CCNB1: variants seen among roughly 807,000 people sequenced by gnomAD.
The protein encoded by CCNB1 is cyclin B1, also known as G2/mitotic-specific cyclin-B1.
CCNB1 carries 26 observed loss-of-function variants against 44.4 expected under a neutral mutation model. The ratio of observed to expected loss-of-function variants is 0.59; its 90% confidence interval spans 0.43 to 0.81. The LOEUF (loss-of-function observed/expected upper bound fraction) is 0.81. CCNB1 is among the 40% of genes least tolerant of loss of function. The pLI is 0.00. For missense variants in CCNB1, 477 were observed against 520.9 expected, an observed-to-expected ratio of 0.92 and a Z score of 0.82; for synonymous variants, 195 against 181.4, an observed-to-expected ratio of 1.08 and a Z score of -0.60.
chr5:69,177,680 A>G lies in CCNB1; in HGVS notation c.*49A>G, dbSNP rs745410711. 9.9e-6 allele frequency: 11 copies of G among 1,108,276 alleles called. No homozygotes were observed. The South Asian group carries it at 1.2e-4, about 12-fold the overall frequency. 68.7% of individuals were successfully genotyped at this position (1,108,276 alleles called of 1,614,324 possible). On this transcript the variant is annotated 3_prime_UTR_variant, in exon 9 of 9. Coordinates refer to ENST00000256442, the MANE Select transcript of CCNB1 (RefSeq NM_031966.4). ...TATATTTACAAATAAAATTGGCACC[A>G]TGTGCCATCTGTACATATTACTGTT...
intron 4 of CCNB1, among the ~76,000 whole-genome samples, chr5:69,171,993 C>T (rs1048586725): frequency 2.6e-5 from 4 of 152,102 alleles, no homozygotes; most frequent in Non-Finnish European, 4.4e-5. Context: ...TTGCCCTTTC[C>T]CTACAAATAC....
intron 1 of CCNB1, 122 bp downstream of exon 1, chr5:69,167,405 G>T (rs1223859258): frequency 2.7e-6 from 3 of 1,129,578 alleles, no homozygotes; most frequent in Non-Finnish European, 2.6e-6. Context: ...GAGGAAGGTG[G>T]GAGGGGACTC....
intron 3 of CCNB1, 113 bp downstream of exon 3, chr5:69,168,456 C>T: frequency 7.8e-7 from 1 of 1,281,494 alleles, no homozygotes; most frequent in Non-Finnish European, 1.1e-6. Context: ...TTATTGAGTG[C>T]TTAGCATGAG....
chr5:69,167,340 C>T (rs762825268), intron 1 of CCNB1, 57 bp downstream of exon 1: 9 of 1,589,800 alleles, frequency 5.7e-6, no homozygotes, highest in African/African-American at 1.3e-5. Flanking sequence ...CCTGCTCTCC[C>T]TGCCTCGCCT....
chr5:69,177,399 A>G (rs1299957168), intron 8 of CCNB1, 50 bp downstream of exon 8: 9 of 1,343,754 alleles, frequency 6.7e-6, no homozygotes, highest in African/African-American at 1.4e-5. Flanking sequence ...TAATAATTCA[A>G]ACTTAATGCC....
chr5:69,167,457 T>C, intron 1 of CCNB1, 174 bp downstream of exon 1: 1 of 621,174 alleles, frequency 1.6e-6, no homozygotes, highest in Admixed American at 2.9e-5. Flanking sequence ...GGTGAGAGAG[T>C]GTGGGGGACG....
Position 69,167,165 on chromosome 5 carries a change from A to G in CCNB1, c.-98A>G. On this transcript the variant is annotated 5_prime_UTR_variant, in exon 1 of 9. Transcript: ENST00000256442. ...GGCTCTTCTCGGCGTGCTGCGGCGGAACGGCTGTTGGTTTCTGCTGGGTGT... is the reference window on the plus strand; with the variant it reads ...GGCTCTTCTCGGCGTGCTGCGGCGGGACGGCTGTTGGTTTCTGCTGGGTGT... The G allele has an allele frequency of 9.9e-7, 1 of 1,008,540 alleles. No individual in the cohort carries two copies. The highest frequency in any genetic ancestry group is 2.7e-5 in the East Asian group (1 of 36,504). The allele number at this position is 1,008,540 out of a possible 1,614,324, so 62.5% of individuals were successfully genotyped here. A position where few individuals can be genotyped will look rare whatever the true frequency, so the allele number is the denominator to read the frequency against.
At chr5:69,173,781 TG>T (rs1468736235) in intron 4 of CCNB1, among the ~76,000 whole-genome samples, 1 of 151,948 alleles carries the variant, frequency 6.6e-6, no homozygotes, top group African/African-American at 2.4e-5. Flanking sequence ...CTTTTTTTTT[TG>T]GGGTGGGGAG....
chr5:69,174,119 G>C, intron 4 of CCNB1, 132 bp from the exon 5 acceptor site: 2 of 707,582 alleles, frequency 2.8e-6, no homozygotes, highest in Non-Finnish European at 2.3e-6. Flanking sequence ...TTGACCATAT[G>C]AATAATTGAA....
rs186525023 is a variant in CCNB1, at chr5:69,168,582, C to A, written c.363+239C>A. ...GGCTTTAGAGAGGTTATGTCAGGGT[C>A]ACACAGGTAAGTGGCCCATATGGGA... On this transcript the variant is annotated intron_variant, in intron 3 of 8. Coordinates refer to ENST00000256442, the MANE Select transcript of CCNB1 (RefSeq NM_031966.4). Among the ~76,000 whole-genome samples the A allele has an allele frequency of 1.4e-4, 21 of 152,294 alleles. No individual in the cohort carries two copies. Among genetic ancestry groups the A allele is most frequent in the Admixed American group, 5.9e-4 (9 of 15,292 alleles).
chr5:69,177,411 G>A, intron 8 of CCNB1, 62 bp downstream of exon 8: 1 of 1,265,138 alleles, frequency 7.9e-7, no homozygotes, highest in Non-Finnish European at 1.2e-6. Context: ...CTTAATGCCT[G>A]CAAATGCCTG....
intron 3 of CCNB1, 34 bp from the exon 4 acceptor site, chr5:69,171,236 T>C (rs934514238): frequency 6.4e-6 from 10 of 1,555,230 alleles, no homozygotes; most frequent in Admixed American, 3.7e-5. Context: ...TGCTTACTTC[T>C]ATTTGCTATT....
chr5:69,177,592 A>G lies in CCNB1; in HGVS notation c.1263A>G (p.Ala421=). The part of the protein sequence containing the change: ...KISTLPQLNS[A]LVQDLAKAVA... The stretch of plus-strand genomic sequence containing the variant: ...GCACTCTACCACAGCTGAATTCTGC[A>G]CTAGTTCAAGATTTAGCCAAGGCTG... The change falls in exon 9 of 9, where the codon GCA becomes GCG. Residue 421 remains alanine (A), a synonymous_variant. Coordinates refer to ENST00000256442, the MANE Select transcript of CCNB1 (RefSeq NM_031966.4). 6.2e-7 allele frequency: 1 copy of G among 1,613,622 alleles called. No homozygotes were observed. Among genetic ancestry groups the G allele is most frequent in the Non-Finnish European group, 8.5e-7 (1 of 1,179,498 alleles).
chr5:69,174,805 A>T, intron 5 of CCNB1, 72 bp from the exon 6 acceptor site: 3 of 1,142,548 alleles, frequency 2.6e-6, no homozygotes, highest in South Asian at 1.3e-5. Context: ...ATGTCTTTCT[A>T]CCTCTCCTTC....
Position 69,168,058 on chromosome 5 carries a change from G to T in CCNB1, c.172G>T (p.Ala58Ser), listed in dbSNP as rs1470313437. ...IGNKVSEQLQ[A>S]KMPMKKEAKP... The stretch of plus-strand genomic sequence containing the variant: ...TAACAAAGTCAGTGAACAACTGCAG[G>T]CCAAAATGCCTATGAAGAAGGTAAC... The change falls in exon 2 of 9, where the codon GCC becomes TCC. Residue 58 changes from alanine to serine, a missense_variant. Physicochemically the swap from Ala to Ser is moderately conservative, Grantham distance 99. Coordinates refer to ENST00000256442, the MANE Select transcript of CCNB1 (RefSeq NM_031966.4). 2 of 1,613,604 alleles carry T rather than the reference G, an allele frequency of 1.2e-6. No individual in the cohort carries two copies. The highest frequency in any genetic ancestry group is 1.7e-6 in the Non-Finnish European group (2 of 1,179,920).
Position 69,177,725 on chromosome 5 carries a change from CT to C in CCNB1, c.*96del. Reference sequence around the variant, plus strand: ...ACTGTTGCATTTACTTTTAATAAAGCTTGTGGCCCCTTTTACTTTTTTATAG... The same window carrying C: ...ACTGTTGCATTTACTTTTAATAAAGCTGTGGCCCCTTTTACTTTTTTATAG... On this transcript the variant is annotated 3_prime_UTR_variant, in exon 9 of 9. Coordinates refer to ENST00000256442, the MANE Select transcript of CCNB1 (RefSeq NM_031966.4). The C allele has an allele frequency of 1.4e-6, 1 of 728,792 alleles. No homozygotes were observed. Among genetic ancestry groups the C allele is most frequent in the Non-Finnish European group, 2.3e-6 (1 of 429,736 alleles). 45.1% of individuals were successfully genotyped at this position (728,792 alleles called of 1,614,324 possible).
chr5:69,167,215 G>A lies in CCNB1; in HGVS notation c.-48G>A. 1 of 1,517,192 alleles carries A rather than the reference G, an allele frequency of 6.6e-7. No homozygotes were observed. Among genetic ancestry groups the A allele is most frequent in the South Asian group, 1.3e-5 (1 of 79,074 alleles). The allele number at this position is 1,517,192 out of a possible 1,614,324, so 94.0% of individuals were successfully genotyped here. On this transcript the variant is annotated 5_prime_UTR_variant, in exon 1 of 9. Transcript: ENST00000256442. ...TAGGTCCTTGGCTGGTCGGGCCTCC[G>A]GTGTTCTGCTTCTCCCCGCTGAGCT...
At chr5:69,176,451 G>C (rs1383833524) in intron 7 of CCNB1, among the ~76,000 whole-genome samples, 1 of 151,528 alleles carries the variant, frequency 6.6e-6, no homozygotes, top group African/African-American at 2.4e-5. Flanking sequence ...CCGCCTCCTG[G>C]GTTCATGCCA....
chr5:69,168,461 C>T, intron 3 of CCNB1, 118 bp downstream of exon 3: 1 of 1,204,418 alleles, frequency 8.3e-7, no homozygotes, highest in Non-Finnish European at 1.2e-6. Flanking sequence ...GAGTGCTTAG[C>T]ATGAGGCAAG....
Sources: gnomAD v4.1 joint callset for allele counts (sites outside exome capture counted in the v4.1 genomes callset) on GRCh38, gnomAD v4.1.1 for gene constraint, MANE v1.5 for transcripts, NCBI Gene and HGNC (gene_info 2026-07-23, HGNC 2026-07-21) for gene names.